The following REV3L variants were observed in gnomAD, a reference collection of about 807,000 sequenced individuals.
The protein encoded by REV3L is DNA polymerase zeta catalytic subunit.
A neutral mutation model predicts 299.4 loss-of-function variants in REV3L; 69 were observed. The observed-to-expected ratio is 0.23, with a 90% CI of 0.19 to 0.28. The LOEUF is 0.28. Among genes scored for constraint, REV3L ranks in the 10% least tolerant of loss-of-function variants. REV3L has a pLI of 1.00. For missense variants in REV3L, 3,128 were observed against 3,693.8 expected, an observed-to-expected ratio of 0.85 and a Z score of 3.97; for synonymous variants, 1,238 against 1,271.4, an observed-to-expected ratio of 0.97 and a Z score of 0.56.
chr6:111,390,585 CA>C (rs1207662823), intron 5 of REV3L, among the ~76,000 whole-genome samples: 1 of 152,008 alleles, frequency 6.6e-6, no homozygotes, highest in Non-Finnish European at 1.5e-5. Context: ...ATTCAAAAAA[CA>C]AGGGAGAACA....
Position 111,364,098 on chromosome 6 carries a change from T to A in REV3L, c.6754-120A>T, listed in dbSNP as rs1378705994. On this transcript the variant is annotated intron_variant, in intron 15 of 31. Transcript: ENST00000368802. ...TGTTTAGTAATAAATGGTAAACTAA[T>A]ATCATCTCTAAGTTCAAGAACAAAC... 6.9e-6 allele frequency: 9 copies of A among 1,311,918 alleles called. No homozygotes were observed. In the East Asian group the frequency reaches 1.7e-4, roughly 25 times the overall value. 81.3% of individuals were successfully genotyped at this position (1,311,918 alleles called of 1,614,324 possible).
chr6:111,375,937 G>A lies in REV3L; in HGVS notation c.2418C>T (p.Asn806=), dbSNP rs1164050407. Residue 806 remains asparagine, a synonymous_variant, in exon 13 of 32, where the codon AAC becomes AAT. Coordinates refer to ENST00000368802, the MANE Select transcript of REV3L (RefSeq NM_001372078.1). ...YMFFPSVVLS[N]CLTRPQKLSP... ...ATAGTTTCTGTGGTCTAGTAAGACA[G>A]TTAGAAAGAACAACACTGGGAAAAA... 10 of 1,613,836 alleles carry A rather than the reference G, an allele frequency of 6.2e-6. No homozygotes were observed. The highest frequency in any genetic ancestry group is 8.5e-6 in the Non-Finnish European group (10 of 1,179,900).
Position 111,416,385 on chromosome 6 carries a change from A to C in REV3L, c.227T>G (p.Leu76Arg). Residue 76 changes from leucine (L) to arginine (R), a missense_variant, in exon 2 of 32, where the codon CTT becomes CGT. Leu to Arg is a moderately radical substitution (Grantham distance 102). Around this residue, in one of 9 missense-constraint regions of REV3L, gnomAD observed 2,409 missense variants for 2,611.8 expected, o/e 0.92. Coordinates refer to ENST00000368802, the MANE Select transcript of REV3L (RefSeq NM_001372078.1). ...GTCGATACTGAATGCCATCTGAGAA[A>C]GATAGCTTTCTGGCTGCTGTCCATA... Reference protein sequence around the residue: ...DGYGQQPESYLSQMAFSIDRA... With the variant: ...DGYGQQPESYRSQMAFSIDRA... The C allele has an allele frequency of 6.2e-7, 1 of 1,613,926 alleles. No homozygotes were observed. The highest frequency in any genetic ancestry group is 8.5e-7 in the Non-Finnish European group (1 of 1,179,850).
rs933427339 is a variant in REV3L at position 111,353,769 on chromosome 6, T to G, written c.7185-1978A>C. 9.8e-5 allele frequency: 15 copies of G among 152,312 alleles called. No individual in the cohort carries two copies. The East Asian group carries it at 2.9e-3, about 29-fold the overall frequency. 9.4% of individuals were successfully genotyped at this position (152,312 alleles called of 1,614,324 possible). ...GAAAGAGAAATATCCCAATACTCTT[T>G]CTGTTTAGTCTTCCAACATAACACC... On this transcript the variant is annotated intron_variant, in intron 18 of 31. Coordinates refer to ENST00000368802, the MANE Select transcript of REV3L (RefSeq NM_001372078.1).
At chr6:111,447,076 T>C (rs1213687214) in intron 1 of REV3L, among the ~76,000 whole-genome samples, 1 of 152,320 alleles carries the variant, frequency 6.6e-6, no homozygotes, top group East Asian at 1.9e-4. Flanking sequence ...TGAAAACAGT[T>C]AATTTTCAAC....
rs1382200145 is a variant in REV3L, at chr6:111,422,661, T to TAC, written c.140-6191_140-6190dup. ...ATATATATATATACATATATATATATACATATATATATATATACGTATATA... is the reference window on the plus strand; with the variant it reads ...ATATATATATATACATATATATATATACACATATATATATATATACGTATATA... On this transcript the variant is annotated intron_variant, in intron 1 of 31. Transcript: ENST00000368802. 7.4e-4 allele frequency among the ~76,000 whole-genome samples: 39 copies of TAC among 52,376 alleles called. 7 individuals carry two copies. Among genetic ancestry groups the TAC allele is most frequent in the Non-Finnish European group, 1.3e-3 (28 of 21,570 alleles). The allele number at this position is 52,376 out of a possible 152,430, so 34.4% of individuals were successfully genotyped here.
intron 4 of REV3L, among the ~76,000 whole-genome samples, chr6:111,398,108 C>T (rs1782718561): frequency 6.6e-6 from 1 of 151,042 alleles, no homozygotes; most frequent in Non-Finnish European, 1.5e-5. Flanking sequence ...CATTTGCTTT[C>T]AATCTAATAA....
intron 27 of REV3L, among the ~76,000 whole-genome samples, chr6:111,314,340 A>C (rs966589851): frequency 6.6e-6 from 1 of 152,190 alleles, no homozygotes; most frequent in Non-Finnish European, 1.5e-5. Context: ...CACTCCCTTT[A>C]AATCTAGAGA....
chr6:111,310,180 CAAT>C (rs1303903209), intron 29 of REV3L, 81 bp from the exon 30 acceptor site: 48 of 1,430,324 alleles, frequency 3.4e-5, no homozygotes, highest in South Asian at 1.7e-4. Context: ...CAGAATTAAA[CAAT>C]AATAAAACAA....
chr6:111,316,482 G>A (rs1773531152), intron 26 of REV3L, among the ~76,000 whole-genome samples: 1 of 151,780 alleles, frequency 6.6e-6, no homozygotes, highest in Non-Finnish European at 1.5e-5. Context: ...TGGCCAACAT[G>A]GCAAAATCCC....
At chr6:111,344,921 A>C (rs531907029) in intron 20 of REV3L, among the ~76,000 whole-genome samples, 2 of 152,358 alleles carry the variant, frequency 1.3e-5, no homozygotes, top group East Asian at 3.9e-4. Context: ...GCAGTGACCC[A>C]AATTGGTCTT....
chr6:111,377,875 G>A (rs1425245722), intron 11 of REV3L, 32 bp from the exon 12 acceptor site: 42 of 1,582,512 alleles, frequency 2.7e-5, no homozygotes, highest in Non-Finnish European at 3.5e-5. Flanking sequence ...TGGTGAGCAT[G>A]ATCATTAGTA....
chr6:111,478,462 T>A (rs1043271853), intron 1 of REV3L, among the ~76,000 whole-genome samples: 17 of 152,188 alleles, frequency 1.1e-4, no homozygotes, highest in African/African-American at 3.6e-4. Flanking sequence ...ATCTCTCCAA[T>A]AATTGTAATC....
intron 1 of REV3L, among the ~76,000 whole-genome samples, chr6:111,435,749 T>C (rs1787470196): frequency 6.6e-6 from 1 of 152,160 alleles, no homozygotes; most frequent in African/African-American, 2.4e-5. Flanking sequence ...AGGACATTGG[T>C]CTGTGCAAAG....
chr6:111,323,224 G>A (rs566138170), intron 25 of REV3L, among the ~76,000 whole-genome samples: 2 of 152,188 alleles, frequency 1.3e-5, no homozygotes, highest in African/African-American at 4.8e-5. Flanking sequence ...TCCTGATTTC[G>A]TGATCCACCC....
intron 1 of REV3L, among the ~76,000 whole-genome samples, chr6:111,467,632 T>C (rs557928124): frequency 6.6e-6 from 1 of 152,346 alleles, no homozygotes; most frequent in African/African-American, 2.4e-5. Context: ...TATTACTACC[T>C]TAAATAATAC....
intron 9 of REV3L, among the ~76,000 whole-genome samples, chr6:111,385,032 G>T (rs1466910086): frequency 2.6e-5 from 4 of 152,084 alleles, no homozygotes; most frequent in Admixed American, 2.0e-4. Flanking sequence ...TCACTCACTT[G>T]TGGGGGCTAA....
chr6:111,444,383 CA>C (rs1378251271), intron 1 of REV3L, among the ~76,000 whole-genome samples: 2 of 151,946 alleles, frequency 1.3e-5, no homozygotes, highest in Admixed American at 1.3e-4. Flanking sequence ...GCTTAAACTA[CA>C]AAAGAAAAAG....
In REV3L at chr6:111,313,338, T is replaced by C. The variant is rs777963832; in HGVS notation, c.8604+14A>G. The C allele has an allele frequency of 2.5e-6, 4 of 1,598,512 alleles. No homozygotes were observed. Among genetic ancestry groups the C allele is most frequent in the Non-Finnish European group, 3.4e-6 (4 of 1,175,590 alleles). Reference sequence around the variant, plus strand: ...TTATTTCTTACAGATGAAGACAAGATAGATAAACCTTACCTTAGAAACAGC... The same window carrying C: ...TTATTTCTTACAGATGAAGACAAGACAGATAAACCTTACCTTAGAAACAGC... On this transcript the variant is annotated intron_variant, in intron 28 of 31. Transcript: ENST00000368802.
Sources: allele counts gnomAD v4.1 joint callset (sites outside exome capture counted in the v4.1 genomes callset), GRCh38; gene constraint gnomAD v4.1.1; regional missense constraint gnomAD v4.1.1; transcripts MANE v1.5; gene names NCBI Gene and HGNC (gene_info 2026-07-23, HGNC 2026-07-21).